Variants in HS3ST3B1 observed in about 807,000 individuals in gnomAD.
HS3ST3B1 encodes the protein heparan sulfate glucosamine 3-O-sulfotransferase 3B1.
In HS3ST3B1, 13 loss-of-function variants were observed where a neutral mutation model predicts 21.3. The observed-to-expected ratio is 0.61, with a 90% CI of 0.40 to 0.97. The LOEUF (loss-of-function observed/expected upper bound fraction) is 0.97. HS3ST3B1 is among the 50% of genes least tolerant of loss of function. The pLI, the probability that HS3ST3B1 is intolerant of heterozygous loss-of-function variation, is 0.00. For missense variants in HS3ST3B1, 459 were observed against 554.8 expected, an observed-to-expected ratio of 0.83 and a Z score of 1.73; for synonymous variants, 234 against 254.8, an observed-to-expected ratio of 0.92 and a Z score of 0.78.
chr17:14,324,991 A>C (rs1175079324), intron 1 of HS3ST3B1, among the ~76,000 whole-genome samples: 2 of 152,242 alleles, frequency 1.3e-5, no homozygotes, highest in Non-Finnish European at 2.9e-5. Context: ...GTGGGAATAT[A>C]AGGTGGACCC....
rs1460986862 is a variant in HS3ST3B1 at position 14,349,274 on chromosome 17, A to C, written c.*3628A>C. ...GTTAGGATAGCCAATATGTACAAAA[A>C]ATTAAATCAAGTATTTTGTCCTATG... On this transcript the variant is annotated 3_prime_UTR_variant, in exon 2 of 2. Transcript: ENST00000360954. The C allele has an allele frequency of 6.6e-6, 1 of 152,260 alleles. No individual in the cohort carries two copies. The highest frequency in any genetic ancestry group is 1.5e-5 in the Non-Finnish European group (1 of 68,048). The allele number at this position is 152,260 out of a possible 1,614,324, so 9.4% of individuals were successfully genotyped here. A position where few individuals can be genotyped will look rare whatever the true frequency, so the allele number is the denominator to read the frequency against.
chr17:14,316,975 G>A (rs1168942663), intron 1 of HS3ST3B1, among the ~76,000 whole-genome samples: 2 of 152,208 alleles, frequency 1.3e-5, no homozygotes, highest in Non-Finnish European at 2.9e-5. Context: ...TAGGTTCTTC[G>A]TACTTGGGGA....
chr17:14,326,242 G>A (rs1486054367), intron 1 of HS3ST3B1, among the ~76,000 whole-genome samples: 5 of 152,190 alleles, frequency 3.3e-5, no homozygotes, highest in Admixed American at 6.5e-5. Flanking sequence ...CTGGGGTGAA[G>A]CAGAGTTGGA....
In HS3ST3B1 at chr17:14,301,717, G is replaced by A; in HGVS notation, c.199G>A (p.Gly67Arg). The change falls in exon 1 of 2, where the codon GGG becomes AGG. Residue 67 changes from glycine (G) to arginine (R), a missense_variant. Gly to Arg is a moderately radical substitution (Grantham distance 125). Around this residue, in one of 3 missense-constraint regions of HS3ST3B1, gnomAD observed 317 missense variants for 278.6 expected, o/e 1.14. Coordinates refer to ENST00000360954, the MANE Select transcript of HS3ST3B1 (RefSeq NM_006041.3). ...GCCGGGGCTGCTGCTCCTGGGCTCT[G>A]GGTCCCGCGCCGCACACGACCCGCC... ...AAPGLLLLGS[G>R]SRAAHDPPAL... 6.2e-7 allele frequency: 1 copy of A among 1,603,442 alleles called. No homozygotes were observed. The highest frequency in any genetic ancestry group is 8.5e-7 in the Non-Finnish European group (1 of 1,176,752).
intron 1 of HS3ST3B1, among the ~76,000 whole-genome samples, chr17:14,337,420 C>T (rs1322219352): frequency 6.6e-6 from 1 of 151,650 alleles, no homozygotes; most frequent in Non-Finnish European, 1.5e-5. Flanking sequence ...CTCCATCTCC[C>T]AGGTTCAAGT....
intron 1 of HS3ST3B1, chr17:14,329,047 T>C (rs1251397905): frequency 6.6e-6 from 1 of 152,112 alleles, no homozygotes; most frequent in Non-Finnish European, 1.5e-5. Flanking sequence ...TAGGGTTCTG[T>C]TGGTTGAGCA....
At position 14,303,376 on chromosome 17, in the gene HS3ST3B1, C is replaced by T. The variant is rs1465487792; in HGVS notation, c.554+1304C>T. On this transcript the variant is annotated intron_variant, in intron 1 of 1. Transcript: ENST00000360954. This position sits in a 1 kb window ranked among gnomAD's most constrained non-coding sequence, Gnocchi z 5.7. ...AGAGGGCTGACCCCGCGGATTAAAA[C>T]GGCTCCCTTCCCAGCCTCGTCCTAC... Among the ~76,000 whole-genome samples, 2 of 152,224 alleles carry T rather than the reference C, an allele frequency of 1.3e-5. No homozygotes were observed. The highest frequency in any genetic ancestry group is 4.8e-5 in the African/African-American group (2 of 41,464).
chr17:14,302,487 G>A (rs1380252935), intron 1 of HS3ST3B1, among the ~76,000 whole-genome samples: 1 of 152,150 alleles, frequency 6.6e-6, no homozygotes, highest in East Asian at 1.9e-4. Flanking sequence ...GTCGGTCTCC[G>A]CCCTCAAGGA....
At chr17:14,318,362 C>T (rs897298919) in intron 1 of HS3ST3B1, among the ~76,000 whole-genome samples, 8 of 152,108 alleles carry the variant, frequency 5.3e-5, no homozygotes, top group Admixed American at 1.3e-4. Context: ...GGAATTGCCA[C>T]GTGTCCACGG....
intron 1 of HS3ST3B1, among the ~76,000 whole-genome samples, chr17:14,309,390 C>T (rs902958383): frequency 6.6e-6 from 1 of 152,202 alleles, no homozygotes; most frequent in Admixed American, 6.5e-5. Context: ...CCAGCCTCGC[C>T]GTCCGGCCTC....
chr17:14,303,284 G>T lies in HS3ST3B1; in HGVS notation c.554+1212G>T, dbSNP rs1041363702. Among the ~76,000 whole-genome samples, 1 of 152,296 alleles carries T rather than the reference G, an allele frequency of 6.6e-6. No individual in the cohort carries two copies. The highest frequency in any genetic ancestry group is 6.5e-5 in the Admixed American group (1 of 15,306). On this transcript the variant is annotated intron_variant, in intron 1 of 1. Coordinates refer to ENST00000360954, the MANE Select transcript of HS3ST3B1 (RefSeq NM_006041.3). This position sits in a 1 kb window ranked among gnomAD's most constrained non-coding sequence, Gnocchi z 5.7. ...CAAGACTTGGGAAAACAAAAGAGGA[G>T]AAGATAACTGAACCCCTCTCCCTGT...
intron 1 of HS3ST3B1, among the ~76,000 whole-genome samples, chr17:14,326,921 C>CAAAAAAAAAAA (rs60800866): frequency 3.3e-5 from 2 of 60,478 alleles, no homozygotes; most frequent in African/African-American, 5.1e-5. Context: ...AACTCTGTCT[C>CAAAAAAAAAAA]AAAAAAAAAA....
At chr17:14,315,821 C>CAAAAAA (rs765113554) in intron 1 of HS3ST3B1, among the ~76,000 whole-genome samples, 1 of 113,490 alleles carries the variant, frequency 8.8e-6, no homozygotes. Context: ...GACTCCATCT[C>CAAAAAA]AAAAAAAAAA....
rs960847083 is a variant in HS3ST3B1 at position 14,348,444 on chromosome 17, T to G, written c.*2798T>G. 1 of 152,234 alleles carries G rather than the reference T, an allele frequency of 6.6e-6. No homozygotes were observed. The highest frequency in any genetic ancestry group is 2.1e-4 in the South Asian group (1 of 4,838). 9.4% of individuals were successfully genotyped at this position (152,234 alleles called of 1,614,324 possible). The stretch of plus-strand genomic sequence containing the variant: ...CTCATAAGGGTCTGCAAGGGTCTGA[T>G]GGTTTAAAGTTCCTAACAGATCTGG... On this transcript the variant is annotated 3_prime_UTR_variant, in exon 2 of 2. Transcript: ENST00000360954.
At position 14,301,581 on chromosome 17, in the gene HS3ST3B1, GCCGCCGCCGCCC is replaced by G. The variant is rs750315317; in HGVS notation, c.73_84del (p.Pro25_Pro28del). 2 of 1,595,472 alleles carry G rather than the reference GCCGCCGCCGCCC, an allele frequency of 1.3e-6. No individual in the cohort carries two copies. Among genetic ancestry groups the G allele is most frequent in the Admixed American group, 1.7e-5 (1 of 59,248 alleles). ...ATGTCCCCGGCCGGCTCCTACCGCA[GCCGCCGCCGCCC>G]CCGCCGCCGGTGAGGAGGAAGCTCG... On this transcript the variant is annotated inframe_deletion, in exon 1 of 2. Transcript: ENST00000360954.
At chr17:14,327,148 T>C (rs920841848) in intron 1 of HS3ST3B1, among the ~76,000 whole-genome samples, 2 of 152,190 alleles carry the variant, frequency 1.3e-5, no homozygotes, top group African/African-American at 4.8e-5. Context: ...TTCATCATTA[T>C]GACAAATATT....
chr17:14,312,119 A>C (rs886862), intron 1 of HS3ST3B1, among the ~76,000 whole-genome samples: 64,278 of 151,772 alleles, frequency 0.42, 14,476 homozygotes, highest in Non-Finnish European at 0.5. Context: ...AAAATGTCTT[A>C]GCCTCCGTAT....
intron 1 of HS3ST3B1, among the ~76,000 whole-genome samples, chr17:14,331,608 T>A (rs1370293447): frequency 6.6e-6 from 1 of 152,076 alleles, no homozygotes; most frequent in Non-Finnish European, 1.5e-5. Flanking sequence ...TTCCTACCCA[T>A]TACCTTTAAA....
chr17:14,306,698 G>A (rs56212565), intron 1 of HS3ST3B1, among the ~76,000 whole-genome samples: 23,422 of 152,192 alleles, frequency 0.15, 2,018 homozygotes, highest in South Asian at 0.29. Flanking sequence ...AGCAAAGAAT[G>A]TTTCTGTCTT....
Sources: gnomAD v4.1 joint callset for allele counts (sites outside exome capture counted in the v4.1 genomes callset) on GRCh38, gnomAD v4.1.1 for gene constraint, gnomAD v4.1.1 regional missense constraint, Gnocchi (gnomAD v3.1) non-coding constraint, MANE v1.5 for transcripts, NCBI Gene and HGNC (gene_info 2026-07-23, HGNC 2026-07-21) for gene names.